SLC44A5: variants seen among roughly 807,000 people sequenced by gnomAD.
The protein encoded by SLC44A5 is choline transporter-like protein 5.
A neutral mutation model predicts 101.8 loss-of-function variants in SLC44A5; 57 were observed. The observed-to-expected ratio is 0.56, with a 90% CI of 0.45 to 0.70. The LOEUF (loss-of-function observed/expected upper bound fraction) is 0.70. SLC44A5 is among the 30% of genes least tolerant of loss of function. The pLI, the probability that SLC44A5 is intolerant of heterozygous loss-of-function variation, is 0.00. For missense variants in SLC44A5, 737 were observed against 853.1 expected (o/e 0.86, Z 1.70); for synonymous variants, 281 against 290.9 (o/e 0.97, Z 0.35).
intron 1 of SLC44A5, among the ~76,000 whole-genome samples, chr1:75,560,680 G>A (rs116346968): frequency 0.024 from 3,721 of 152,160 alleles, 154 homozygotes; most frequent in African/African-American, 0.085. Context: ...GGCAGATTTG[G>A]TCCTTTGCCT....
intron 4 of SLC44A5, among the ~76,000 whole-genome samples, chr1:75,331,396 C>T (rs550487575): frequency 1.4e-4 from 21 of 152,136 alleles, no homozygotes; most frequent in African/African-American, 5.1e-4. Flanking sequence ...CTCATTTTTT[C>T]TCTTGCTTTT....
intron 4 of SLC44A5, among the ~76,000 whole-genome samples, chr1:75,320,094 T>C (rs566252476): frequency 2.0e-5 from 3 of 152,278 alleles, no homozygotes; most frequent in Non-Finnish European, 4.4e-5. Flanking sequence ...TATACATAAT[T>C]CAAATATTCT....
At position 75,300,630 on chromosome 1, in the gene SLC44A5, T is replaced by A. The variant is rs769783740; in HGVS notation, c.157A>T (p.Ile53Phe). 1 of 1,604,498 alleles carries A rather than the reference T, an allele frequency of 6.2e-7. No individual in the cohort carries two copies. Among genetic ancestry groups the A allele is most frequent in the Non-Finnish European group, 8.5e-7 (1 of 1,175,352 alleles). ...MIFLLCIIGY[I>F]VLGLVAWVHG... ...TACTCACCCACAAGTCCTAAAACAATGTAGCCAATAATACACAGTAGGAAG... is the reference window on the plus strand; with the variant it reads ...TACTCACCCACAAGTCCTAAAACAAAGTAGCCAATAATACACAGTAGGAAG... The change falls in exon 5 of 24, where the codon ATT becomes TTT. Residue 53 changes from isoleucine (I) to phenylalanine (F), a missense_variant. Around this residue, in one of 3 missense-constraint regions of SLC44A5, gnomAD observed 665 missense variants for 764.4 expected, o/e 0.87. Coordinates refer to ENST00000370859, the MANE Select transcript of SLC44A5 (RefSeq NM_001130058.2).
At chr1:75,376,886 G>A (rs1387923339) in intron 3 of SLC44A5, among the ~76,000 whole-genome samples, 4 of 152,152 alleles carry the variant, frequency 2.6e-5, no homozygotes, top group South Asian at 4.2e-4. Context: ...TCTGAGCTAC[G>A]GGAGGACATT....
At chr1:75,261,979 T>C (rs2100693875) in intron 6 of SLC44A5, among the ~76,000 whole-genome samples, 1 of 151,922 alleles carries the variant, frequency 6.6e-6, no homozygotes, top group Middle Eastern at 3.4e-3. Flanking sequence ...AACTAGGTAT[T>C]GATGGAACGT....
intron 1 of SLC44A5, among the ~76,000 whole-genome samples, chr1:75,588,083 G>A (rs1674123109): frequency 6.6e-6 from 1 of 152,142 alleles, no homozygotes; most frequent in African/African-American, 2.4e-5. Flanking sequence ...CTGTCCTGGA[G>A]GTAAGCTGAG....
intron 6 of SLC44A5, among the ~76,000 whole-genome samples, chr1:75,271,674 C>A (rs1174397010): frequency 6.6e-6 from 1 of 152,078 alleles, no homozygotes; most frequent in African/African-American, 2.4e-5. Context: ...GAGTAGTATT[C>A]CATGGTGTGT....
In SLC44A5 at chr1:75,362,192, C is replaced by G. The variant is rs184252919; in HGVS notation, c.53-22562G>C. 3.8e-3 allele frequency among the ~76,000 whole-genome samples: 584 copies of G among 151,748 alleles called. 2 individuals carry two copies. Among genetic ancestry groups the G allele is most frequent in the African/African-American group, 0.014 (560 of 41,448 alleles). ...TTGATTTTATTTATTTGAGGCTTCT[C>G]TCTTTTTTAATCTAGCTAAGGTTTT... is the stretch of plus-strand genomic sequence containing the variant. On this transcript the variant is annotated intron_variant, in intron 3 of 23. Coordinates refer to ENST00000370859, the MANE Select transcript of SLC44A5 (RefSeq NM_001130058.2).
intron 1 of SLC44A5, among the ~76,000 whole-genome samples, chr1:75,602,571 C>A (rs542074109): frequency 6.6e-6 from 1 of 151,998 alleles, no homozygotes; most frequent in Non-Finnish European, 1.5e-5. Flanking sequence ...CAATAATGGT[C>A]CTCCTTTAGT....
At chr1:75,491,914 G>A (rs1453146945) in intron 2 of SLC44A5, among the ~76,000 whole-genome samples, 2 of 152,118 alleles carry the variant, frequency 1.3e-5, no homozygotes, top group Admixed American at 6.6e-5. Context: ...AGAATATGGG[G>A]TTTTCATTTC....
chr1:75,295,478 G>A (rs552930737), intron 5 of SLC44A5, among the ~76,000 whole-genome samples: 2 of 152,180 alleles, frequency 1.3e-5, no homozygotes, highest in African/African-American at 4.8e-5. Context: ...CTCTGAACTA[G>A]GTTTGCTGGA....
intron 2 of SLC44A5, among the ~76,000 whole-genome samples, chr1:75,511,146 A>AAAAAAGAAAAG (rs1389938797): frequency 6.6e-6 from 1 of 152,230 alleles, no homozygotes; most frequent in Non-Finnish European, 1.5e-5. Flanking sequence ...CCGTCTCAGA[A>AAAAAAGAAAAG]AAAAAGAAAA....
chr1:75,282,945 C>T (rs115727593), intron 5 of SLC44A5, among the ~76,000 whole-genome samples: 3,730 of 152,100 alleles, frequency 0.025, 154 homozygotes, highest in African/African-American at 0.086. Flanking sequence ...TTTGCATTTG[C>T]GAATCGGGTG....
intron 15 of SLC44A5, 21 bp from the exon 16 acceptor site, chr1:75,219,365 A>T (rs1467878437): frequency 6.6e-7 from 1 of 1,521,926 alleles, no homozygotes; most frequent in Non-Finnish European, 9.1e-7. Context: ...TCCATTAAGG[A>T]TAAACCATTT....
chr1:75,707,389 T>G, the SLC44A5 span, among the ~76,000 whole-genome samples: 1 of 152,186 alleles, frequency 6.6e-6, no homozygotes, highest in Non-Finnish European at 1.5e-5. Context: ...TTTCCCTCCT[T>G]TCTGAGAACT....
chr1:75,714,694 TGAGACG>T, the SLC44A5 span, among the ~76,000 whole-genome samples: 318 of 152,208 alleles, frequency 2.1e-3, 3 homozygotes, highest in Non-Finnish European at 7.6e-4. Context: ...TTCTTTTTTT[TGAGACG>T]GAGTCTCACT....
At chr1:75,347,991 A>G (rs1407086113) in intron 3 of SLC44A5, among the ~76,000 whole-genome samples, 1 of 152,168 alleles carries the variant, frequency 6.6e-6, no homozygotes, top group African/African-American at 2.4e-5. Context: ...GTGAAAGACT[A>G]GAGAAGGAAA....
chr1:75,530,712 T>G (rs920716353), intron 2 of SLC44A5, among the ~76,000 whole-genome samples: 1 of 152,212 alleles, frequency 6.6e-6, no homozygotes, highest in African/African-American at 2.4e-5. Context: ...ACTTGGGTAC[T>G]TTACGAGTGA....
At chr1:75,278,281 T>G (rs887616456) in intron 5 of SLC44A5, among the ~76,000 whole-genome samples, 3 of 152,084 alleles carry the variant, frequency 2.0e-5, no homozygotes, top group Admixed American at 2.0e-4. Flanking sequence ...TTTCCCTTTA[T>G]GCTCTTAAAT....
Sources: allele counts gnomAD v4.1 joint callset (sites outside exome capture counted in the v4.1 genomes callset), GRCh38; gene constraint gnomAD v4.1.1; regional missense constraint gnomAD v4.1.1; transcripts MANE v1.5; gene names NCBI Gene and HGNC (gene_info 2026-07-23, HGNC 2026-07-21).